The following TCEA2 variants were observed in gnomAD, a reference collection of about 807,000 sequenced individuals.
TCEA2 encodes the protein transcription elongation factor A2.
A neutral mutation model predicts 40.8 loss-of-function variants in TCEA2; 21 were observed. That is an observed-to-expected ratio of 0.51 (90% CI 0.36 to 0.74). TCEA2 has a LOEUF of 0.74. TCEA2 is among the 30% of genes least tolerant of loss of function. TCEA2 has a pLI of 0.00. For missense variants in TCEA2, 326 were observed against 426.5 expected (o/e 0.76, Z 2.08); for synonymous variants, 165 against 162.7 (o/e 1.01, Z -0.11).
In TCEA2 at chr20:64,068,826, G is replaced by T. The variant is rs907072060; in HGVS notation, c.330-535G>T. 1.2e-4 allele frequency among the ~76,000 whole-genome samples: 19 copies of T among 152,372 alleles called. No individual in the cohort carries two copies. The East Asian group carries it at 1.3e-3, about 11-fold the overall frequency. ...TGGTCGTTGGGCAGCCCCATGTTGG[G>T]GTCCAGCCCTGAGGGGCATCCTTCT... On this transcript the variant is annotated intron_variant, in intron 4 of 9. Coordinates refer to ENST00000343484, the MANE Select transcript of TCEA2 (RefSeq NM_003195.6).
chr20:64,063,198 G>A lies in TCEA2; in HGVS notation c.-115G>A, dbSNP rs1310399871. On this transcript the variant is annotated 5_prime_UTR_variant, in exon 1 of 10. Transcript: ENST00000343484. ...GGTTTGAACCGGGGGTCTGTCGTCCGCGGCGGGGCTGCGTCGGCTGCGGCG... is the reference window on the plus strand; with the variant it reads ...GGTTTGAACCGGGGGTCTGTCGTCCACGGCGGGGCTGCGTCGGCTGCGGCG... 9.5e-6 allele frequency: 9 copies of A among 942,822 alleles called. No homozygotes were observed. The highest frequency in any genetic ancestry group is 1.2e-5 in the Non-Finnish European group (9 of 725,928). The allele number at this position is 942,822 out of a possible 1,614,324, so 58.4% of individuals were successfully genotyped here.
At chr20:64,067,127 G>A in intron 3 of TCEA2, 107 bp downstream of exon 3, 1 of 1,242,490 alleles carries the variant, frequency 8.0e-7, no homozygotes, top group Non-Finnish European at 1.1e-6. Flanking sequence ...CCCTGAGCCA[G>A]GTCGCTTGGG....
At chr20:64,062,979 C>T (rs1416967414), upstream of TCEA2, 2 of 181,990 alleles carry the variant, frequency 1.1e-5, no homozygotes, top group Non-Finnish European at 2.3e-5. Flanking sequence ...GGGGCGTGCC[C>T]GGGGCGCCTC....
intron 8 of TCEA2, among the ~76,000 whole-genome samples, chr20:64,070,917 C>G (rs574324814): frequency 6.6e-6 from 1 of 152,304 alleles, no homozygotes; most frequent in Admixed American, 6.5e-5. Flanking sequence ...GGAGGGCCCT[C>G]GAGGTGTTGA....
chr20:64,056,126 C>T (rs2059470860), upstream of TCEA2, among the ~76,000 whole-genome samples: 2 of 152,268 alleles, frequency 1.3e-5, no homozygotes, highest in South Asian at 2.1e-4. Flanking sequence ...CTCTTGCCTC[C>T]CCCAGCGTTG....
intron 4 of TCEA2, among the ~76,000 whole-genome samples, 154 bp downstream of exon 4, chr20:64,068,288 C>T (rs2059743648): frequency 6.6e-6 from 1 of 152,238 alleles, no homozygotes; most frequent in African/African-American, 2.4e-5. Context: ...TGTGGTGTGT[C>T]CCGCCTGCAC....
intron 4 of TCEA2, 114 bp downstream of exon 4, chr20:64,068,248 G>A (rs2059742414): frequency 1.1e-6 from 1 of 952,258 alleles, no homozygotes; most frequent in Non-Finnish European, 1.6e-6. Flanking sequence ...TGCACACAGA[G>A]TCGGTCAGCC....
chr20:64,070,136 G>C, intron 6 of TCEA2, 124 bp from the exon 7 acceptor site: 2 of 1,439,624 alleles, frequency 1.4e-6, no homozygotes, highest in East Asian at 4.6e-5. Context: ...TGGGTGGGCA[G>C]ACCGACCCCT....
chr20:64,072,106 G>A, intron 9 of TCEA2, 66 bp from the exon 10 acceptor site: 1 of 1,607,272 alleles, frequency 6.2e-7, no homozygotes, highest in East Asian at 2.2e-5. Context: ...GTGAGCCTGT[G>A]CGGCCTTCCA....
chr20:64,069,930 G>T (rs769677908), intron 6 of TCEA2, 109 bp downstream of exon 6: 1 of 1,387,466 alleles, frequency 7.2e-7, no homozygotes, highest in South Asian at 1.2e-5. Context: ...CTGTCCAGGG[G>T]TCACCTGCCT....
chr20:64,065,604 C>T (rs1569247863), intron 1 of TCEA2: 1 of 152,002 alleles, frequency 6.6e-6, no homozygotes, highest in Non-Finnish European at 1.5e-5. Flanking sequence ...CAGAGGGCCT[C>T]GGTGGCGGCT....
chr20:64,066,765 C>T (rs1203962206), intron 2 of TCEA2, 150 bp from the exon 3 acceptor site: 1 of 861,854 alleles, frequency 1.2e-6, no homozygotes, highest in African/African-American at 1.7e-5. Flanking sequence ...CTCCTGGGTT[C>T]CAAATGGGAC....
chr20:64,057,383 C>T (rs185066976), exon 1 of TCEA2: 4 of 152,394 alleles, frequency 2.6e-5, no homozygotes, highest in Non-Finnish European at 4.4e-5. Context: ...GACAGACACT[C>T]GCCAACCAGT....
chr20:64,066,745 G>A (rs1008363663), intron 2 of TCEA2, among the ~76,000 whole-genome samples, 170 bp from the exon 3 acceptor site: 5 of 152,198 alleles, frequency 3.3e-5, no homozygotes, highest in Admixed American at 2.6e-4. Context: ...CTTGTCCTCC[G>A]TGGCTGAGGC....
intron 1 of TCEA2, 128 bp from the exon 2 acceptor site, chr20:64,066,348 T>C (rs2059693350): frequency 8.4e-7 from 1 of 1,195,306 alleles, no homozygotes; most frequent in Non-Finnish European, 1.2e-6. Context: ...GGAATTTTGG[T>C]TTCTTTTTGA....
intron 1 of TCEA2, chr20:64,065,511 G>A (rs1051131073): frequency 7.2e-6 from 1 of 139,076 alleles, no homozygotes; most frequent in Non-Finnish European, 1.6e-5. Context: ...CTGAGAAGGT[G>A]TTGTTGAAAT....
upstream of TCEA2, among the ~76,000 whole-genome samples, chr20:64,060,727 A>G (rs577332768): frequency 7.9e-5 from 12 of 152,230 alleles, no homozygotes; most frequent in African/African-American, 2.9e-4. Context: ...ATAATATAAT[A>G]TCGCGGGGCC....
At chr20:64,059,692 C>T (rs552696926), upstream of TCEA2, among the ~76,000 whole-genome samples, 2 of 152,298 alleles carry the variant, frequency 1.3e-5, no homozygotes, top group South Asian at 4.1e-4. Flanking sequence ...TCTTTGTTCT[C>T]GACCAGCTCC....
Position 64,067,733 on chromosome 20 carries a change from G to A in TCEA2, c.242-314G>A, listed in dbSNP as rs568265791. Among the ~76,000 whole-genome samples the A allele has an allele frequency of 1.0e-3, 153 of 152,364 alleles. 1 individual carries two copies. The highest frequency in any genetic ancestry group is 3.6e-3 in the African/African-American group (148 of 41,586). On this transcript the variant is annotated intron_variant, in intron 3 of 9. Transcript: ENST00000343484. ...GGGACATGCTTGGTCTCTCTGGCCA[G>A]GACAGGCAGGAGGGTGGGCCCCAGA...
Sources: allele counts gnomAD v4.1 joint callset (sites outside exome capture counted in the v4.1 genomes callset), GRCh38; gene constraint gnomAD v4.1.1; transcripts MANE v1.5; gene names NCBI Gene and HGNC (gene_info 2026-07-23, HGNC 2026-07-21).